SLC15A3: variants seen among roughly 807,000 people sequenced by gnomAD.
SLC15A3 encodes the protein osteoclast transporter.
Under a neutral mutation model 49.2 loss-of-function variants are expected in SLC15A3, and 39 were observed. The observed-to-expected ratio is 0.79, with a 90% CI of 0.61 to 1.04. SLC15A3 has a LOEUF of 1.04. Among genes scored for constraint, SLC15A3 ranks in the 50% least tolerant of loss-of-function variants. The pLI is 0.00. For synonymous variants in SLC15A3, 339 were observed against 367.0 expected (o/e 0.92, Z 0.87); for missense variants, 758 against 794.8 (o/e 0.95, Z 0.56).
rs571839518 is a variant in SLC15A3 at position 60,942,126 on chromosome 11, A to G, written c.1016T>C (p.Leu339Pro). The change falls in exon 4 of 8, where the codon CTG becomes CCG. Residue 339 changes from leucine to proline, a missense_variant. Leu to Pro is a moderately conservative substitution (Grantham distance 98). This residue lies in a region of SLC15A3 where 699 missense variants were observed against 706.7 expected (regional missense o/e 0.99). Coordinates refer to ENST00000227880, the MANE Select transcript of SLC15A3 (RefSeq NM_016582.3). ...TGGGATGTGGAGGTGAAGACCCTGC[A>G]GGACATAGGTGGACTGCATCTGCCA... ...VYFQMQSTYV[L>P]QGLHLHIPNI... 2 of 1,613,520 alleles carry G rather than the reference A, an allele frequency of 1.2e-6. No homozygotes were observed. Among genetic ancestry groups the G allele is most frequent in the South Asian group, 2.2e-5 (2 of 91,080 alleles).
In SLC15A3 at chr11:60,951,514, G is replaced by A; in HGVS notation, c.38C>T (p.Pro13Leu). 1 of 1,214,632 alleles carries A rather than the reference G, an allele frequency of 8.2e-7. No homozygotes were observed. The highest frequency in any genetic ancestry group is 4.4e-5 in the Admixed American group (1 of 22,528). 75.2% of individuals were successfully genotyped at this position (1,214,632 alleles called of 1,614,324 possible). A position where few individuals can be genotyped will look rare whatever the true frequency, so the allele number is the denominator to read the frequency against. Residue 13 changes from proline to leucine, a missense_variant, in exon 1 of 8, where the codon CCC becomes CTC. Transcript: ENST00000227880. The stretch of plus-strand genomic sequence containing the variant: ...AGGCAGCAGCGGCTGGCGCTCCCCG[G>A]GCACGCGGGGCTGCTCCCGGGCGCG... ...APRAREQPRVPGERQPLLPRG... is the reference protein window; with the variant it reads ...APRAREQPRVLGERQPLLPRG...
chr11:60,951,724 A>G lies in SLC15A3; in HGVS notation c.-173T>C. ...CTGTCCCCTCTCCCTTTCTTGCCCT[A>G]CCCTTCCTGTCCCTCCGCTCACTAC... is the stretch of plus-strand genomic sequence containing the variant. On this transcript the variant is annotated 5_prime_UTR_variant, in exon 1 of 8. Coordinates refer to ENST00000227880, the MANE Select transcript of SLC15A3 (RefSeq NM_016582.3). The G allele has an allele frequency of 3.2e-6, 1 of 310,774 alleles. No homozygotes were observed. Among genetic ancestry groups the G allele is most frequent in the Non-Finnish European group, 4.6e-6 (1 of 216,520 alleles). 19.3% of individuals were successfully genotyped at this position (310,774 alleles called of 1,614,324 possible).
chr11:60,945,982 A>G (rs150317002), intron 2 of SLC15A3, among the ~76,000 whole-genome samples: 1 of 151,254 alleles, frequency 6.6e-6, no homozygotes, highest in African/African-American at 2.4e-5. Context: ...GATCATCCTC[A>G]CACTTCCTTT....
intron 1 of SLC15A3, among the ~76,000 whole-genome samples, chr11:60,949,503 G>GGAAA (rs1205207226): frequency 0.09 from 5,837 of 64,674 alleles, 757 homozygotes; most frequent in African/African-American, 0.18. Context: ...AAAGAAAGAA[G>GGAAA]GAAAGAAAGA....
intron 1 of SLC15A3, among the ~76,000 whole-genome samples, chr11:60,948,172 T>C (rs971538927): frequency 6.6e-6 from 1 of 152,194 alleles, no homozygotes; most frequent in African/African-American, 2.4e-5. Context: ...TCCACACAGA[T>C]GCACTTAAAC....
Position 60,951,005 on chromosome 11 carries a change from C to G in SLC15A3, c.547G>C (p.Gly183Arg). ...CTCCTGCCACTCACCTGGTCGGCAC[C>G]GAAGGAGGTGAGGTTGCTCCGGACG... ...SSVRSNLTSF[G>R]ADQVMDLGRD... The change falls in exon 1 of 8, where the codon GGT (glycine) becomes CGT (arginine). Residue 183 changes from glycine to arginine, a missense_variant. Transcript: ENST00000227880. The G allele has an allele frequency of 6.8e-7, 1 of 1,481,480 alleles. No homozygotes were observed. The highest frequency in any genetic ancestry group is 8.9e-7 in the Non-Finnish European group (1 of 1,122,848). The allele number at this position is 1,481,480 out of a possible 1,614,324, so 91.8% of individuals were successfully genotyped here.
rs775634848 is a variant in SLC15A3 at position 60,938,040 on chromosome 11, C to G, written c.1436-15G>C. ...AAACTCCAGGCCTGCAGAGGGGGAG[C>G]AGAGACGATCTCAGGGGCTGGTGCA... is the stretch of plus-strand genomic sequence containing the variant. On this transcript the variant is annotated splice_polypyrimidine_tract_variant and intron_variant, in intron 6 of 7. Coordinates refer to ENST00000227880, the MANE Select transcript of SLC15A3 (RefSeq NM_016582.3). 2.5e-6 allele frequency: 4 copies of G among 1,612,366 alleles called. No individual in the cohort carries two copies. Among genetic ancestry groups the G allele is most frequent in the South Asian group, 2.2e-5 (2 of 90,886 alleles).
intron 7 of SLC15A3, chr11:60,937,661 G>T: frequency 1.4e-6 from 1 of 701,778 alleles, no homozygotes; most frequent in Non-Finnish European, 2.4e-6. Flanking sequence ...GAGCCTTGGA[G>T]GTCCACTAAG....
chr11:60,937,685 G>T, intron 7 of SLC15A3, 185 bp downstream of exon 7: 1 of 774,656 alleles, frequency 1.3e-6, no homozygotes, highest in African/African-American at 1.8e-5. Context: ...AACACTTGGG[G>T]AAAGAAAGGC....
In SLC15A3 at chr11:60,951,252, G is replaced by A. The variant is rs766840190; in HGVS notation, c.300C>T (p.Arg100=). 25 of 1,515,164 alleles carry A rather than the reference G, an allele frequency of 1.6e-5. No individual in the cohort carries two copies. Among genetic ancestry groups the A allele is most frequent in the Non-Finnish European group, 2.1e-5 (24 of 1,134,890 alleles). 93.9% of individuals were successfully genotyped at this position (1,515,164 alleles called of 1,614,324 possible). ...GCAGGCTGAGCGCGACCGCGCGGTA[G>A]CGGCCCAGGTACACGTCGGCCAGCC... The part of the protein sequence containing the change: ...GGWLADVYLG[R]YRAVALSLLL... The change falls in exon 1 of 8, where the codon CGC becomes CGT. Residue 100 remains arginine (R), a synonymous_variant. Coordinates refer to ENST00000227880, the MANE Select transcript of SLC15A3 (RefSeq NM_016582.3).
At chr11:60,940,578 A>AAGCTCAGAGACTTTTAAGTCTCAG (rs1344708199) in intron 5 of SLC15A3, 2 of 152,266 alleles carry the variant, frequency 1.3e-5, no homozygotes, top group Non-Finnish European at 2.9e-5. Context: ...CCCCATTTTA[A>AAGCTCAGAGACTTTTAAGTCTCAG]AGACATAGCT....
chr11:60,942,434 T>G (rs1044196941), intron 3 of SLC15A3: 21 of 298,526 alleles, frequency 7.0e-5, no homozygotes, highest in Admixed American at 4.5e-5. Context: ...CAGCACAGGG[T>G]AAGCATGGAT....
At chr11:60,945,025 T>G (rs1565128026) in intron 2 of SLC15A3, among the ~76,000 whole-genome samples, 1 of 152,238 alleles carries the variant, frequency 6.6e-6, no homozygotes, top group African/African-American at 2.4e-5. Flanking sequence ...GAGTTTACTT[T>G]CACTGCCATT....
chr11:60,942,658 G>C (rs148842601), intron 3 of SLC15A3: 221 of 155,612 alleles, frequency 1.4e-3, no homozygotes, highest in African/African-American at 5.1e-3. Context: ...GTAGGATCCA[G>C]GAGACTCCCA....
rs746268273 is a variant in SLC15A3 at position 60,941,273 on chromosome 11, G to A, written c.1125C>T (p.Leu375=). ...GCACCACCACAACATTGGCCAGGAG[G>A]AGCCAGGCTTCCGGGATCTGGGCAG... ...GSSYTIPEAW[L]LLANVVVVLI... The change falls in exon 5 of 8, where the codon CTC becomes CTT. Residue 375 remains leucine (L), a synonymous_variant. Coordinates refer to ENST00000227880, the MANE Select transcript of SLC15A3 (RefSeq NM_016582.3). 3 of 1,613,726 alleles carry A rather than the reference G, an allele frequency of 1.9e-6. No individual in the cohort carries two copies. Among genetic ancestry groups the A allele is most frequent in the East Asian group, 4.5e-5 (2 of 44,894 alleles).
rs1856938592 is a variant in SLC15A3 at position 60,951,964 on chromosome 11, C to T, written c.-413G>A. On this transcript the variant is annotated 5_prime_UTR_variant, in exon 1 of 8. Transcript: ENST00000227880. ...TCCCTTTCCCCTCCCCGTTTGTCGCCCCTTCCTGTTGTCCCCTCTCCTTAT... is the reference window on the plus strand; with the variant it reads ...TCCCTTTCCCCTCCCCGTTTGTCGCTCCTTCCTGTTGTCCCCTCTCCTTAT... Among the ~76,000 whole-genome samples the T allele has an allele frequency of 6.6e-6, 1 of 151,916 alleles. No individual in the cohort carries two copies. The highest frequency in any genetic ancestry group is 6.5e-5 in the Admixed American group (1 of 15,270).
Position 60,946,543 on chromosome 11 carries a change from T to C in SLC15A3, c.837A>G (p.Arg279=), listed in dbSNP as rs763215301. 1 of 1,564,572 alleles carries C rather than the reference T, an allele frequency of 6.4e-7. No homozygotes were observed. The highest frequency in any genetic ancestry group is 2.3e-5 in the East Asian group (1 of 44,292). ...LQNCCPQLWQ[R]HSARDRQCAR... ...GAGCCCCTCCTTACCTGGCCGAGTG[T>C]CGTTGCCACAGCTGGGGGCAGCAGT... Residue 279 remains arginine (R), a synonymous_variant, in exon 2 of 8, where the codon CGA becomes CGG. Transcript: ENST00000227880.
intron 1 of SLC15A3, among the ~76,000 whole-genome samples, chr11:60,949,485 GAAGAAAGAAAGA>G (rs1182100618): frequency 1.2e-5 from 1 of 84,194 alleles, no homozygotes; most frequent in African/African-American, 6.0e-5. Context: ...AGAAAGAAAG[GAAGAAAGAAAGA>G]AAGAAGGAAA....
chr11:60,942,242 G>A lies in SLC15A3; in HGVS notation c.997-97C>T, dbSNP rs950326213. 1.5e-5 allele frequency: 15 copies of A among 979,572 alleles called. No homozygotes were observed. The African/African-American group carries it at 2.3e-4, about 15-fold the overall frequency. 60.7% of individuals were successfully genotyped at this position (979,572 alleles called of 1,614,324 possible). On this transcript the variant is annotated intron_variant, in intron 3 of 7. Transcript: ENST00000227880. ...CTCAGCGCCGTACCACAGGACAGCT[G>A]GGCAGCTGTCCCCTCTCCCAGTCTC...
Sources: allele counts gnomAD v4.1 joint callset (sites outside exome capture counted in the v4.1 genomes callset), GRCh38; gene constraint gnomAD v4.1.1; regional missense constraint gnomAD v4.1.1; transcripts MANE v1.5; gene names NCBI Gene and HGNC (gene_info 2026-07-23, HGNC 2026-07-21).